CCDC171: variants seen among roughly 807,000 people sequenced by gnomAD.
CCDC171 encodes coiled-coil domain-containing protein 171.
In CCDC171, 177 loss-of-function variants were observed where a neutral mutation model predicts 168.2. The observed-to-expected ratio is 1.05, with a 90% CI of 0.93 to 1.19. The LOEUF is 1.19. Among genes scored for constraint, CCDC171 ranks in the 50% most tolerant of loss-of-function variants. The pLI, the probability that CCDC171 is intolerant of heterozygous loss-of-function variation, is 0.00. For missense variants in CCDC171, 1,991 were observed against 1,539.0 expected (o/e 1.29, Z -4.91); for synonymous variants, 687 against 540.8 (o/e 1.27, Z -3.75).
In CCDC171 at chr9:15,766,237, G is replaced by A. The variant is rs116598194; in HGVS notation, c.2672-11363G>A. Among the ~76,000 whole-genome samples, 274 of 152,174 alleles carry A rather than the reference G, an allele frequency of 1.8e-3. 2 individuals are homozygous for A. The highest frequency in any genetic ancestry group is 6.1e-3 in the African/African-American group (253 of 41,530). Reference sequence around the variant, plus strand: ...TGAAGCTCCTGCTGTCTCCTGTGCCGTGAGTGTTAAAGTCCCTTGTCTCTC... The same window carrying A: ...TGAAGCTCCTGCTGTCTCCTGTGCCATGAGTGTTAAAGTCCCTTGTCTCTC... On this transcript the variant is annotated intron_variant, in intron 18 of 25. Coordinates refer to ENST00000380701, the MANE Select transcript of CCDC171 (RefSeq NM_173550.4).
intron 6 of CCDC171, among the ~76,000 whole-genome samples, chr9:15,599,600 C>G (rs2042667339): frequency 6.6e-6 from 1 of 152,136 alleles, no homozygotes; most frequent in African/African-American, 2.4e-5. Context: ...TTCATTTCAA[C>G]TTTGGTGAAT....
chr9:15,734,547 AAAAT>A (rs139699577), intron 16 of CCDC171, among the ~76,000 whole-genome samples: 2,414 of 152,180 alleles, frequency 0.016, 79 homozygotes, highest in African/African-American at 0.055. Flanking sequence ...ACTCCATTTA[AAAAT>A]AAATAAATAA....
intron 21 of CCDC171, among the ~76,000 whole-genome samples, chr9:15,826,393 TC>T (rs1388352485): frequency 6.6e-6 from 1 of 152,128 alleles, no homozygotes. Context: ...ATATTTCTGA[TC>T]CCACAAGTGC....
At chr9:15,633,122 C>T (rs1187153779) in intron 7 of CCDC171, among the ~76,000 whole-genome samples, 2 of 152,210 alleles carry the variant, frequency 1.3e-5, no homozygotes, top group Non-Finnish European at 2.9e-5. Flanking sequence ...GCAAGGACTT[C>T]ATGTCTGAAA....
At chr9:15,829,127 A>C (rs1233015111) in intron 21 of CCDC171, among the ~76,000 whole-genome samples, 1 of 152,198 alleles carries the variant, frequency 6.6e-6, no homozygotes, top group South Asian at 2.1e-4. Flanking sequence ...TAGACACCCA[A>C]ATTTCCTTTT....
intron 20 of CCDC171, 102 bp from the exon 21 acceptor site, chr9:15,784,407 G>A: frequency 1.6e-6 from 1 of 617,214 alleles, no homozygotes. Context: ...TGTATCAAGT[G>A]CCTAGAAATG....
chr9:15,572,809 A>G (rs1247126197), intron 3 of CCDC171, among the ~76,000 whole-genome samples: 5 of 152,158 alleles, frequency 3.3e-5, no homozygotes, highest in African/African-American at 1.2e-4. Flanking sequence ...CTTTGTCTCC[A>G]TATTGCTTAT....
Position 15,579,380 on chromosome 9 carries a change from A to G in CCDC171, c.352+357A>G, listed in dbSNP as rs116776510. Among the ~76,000 whole-genome samples, 601 of 152,280 alleles carry G rather than the reference A, an allele frequency of 3.9e-3. 1 individual carries two copies. Among genetic ancestry groups the G allele is most frequent in the African/African-American group, 0.014 (567 of 41,550 alleles). On this transcript the variant is annotated intron_variant, in intron 4 of 25. Transcript: ENST00000380701. ...CCCCATCACATATAATATGAATCCAAATCTCTAGCTTGAGAATCTATATGT... is the reference window on the plus strand; with the variant it reads ...CCCCATCACATATAATATGAATCCAGATCTCTAGCTTGAGAATCTATATGT...
At chr9:15,902,549 A>G (rs182330112) in intron 24 of CCDC171, among the ~76,000 whole-genome samples, 144 of 151,904 alleles carry the variant, frequency 9.5e-4, no homozygotes, top group Non-Finnish European at 1.5e-3. Flanking sequence ...GAAATAACTG[A>G]GGTGGAGCCA....
the CCDC171 span, among the ~76,000 whole-genome samples, chr9:16,070,003 G>A: frequency 2.2e-4 from 33 of 151,190 alleles, no homozygotes; most frequent in African/African-American, 7.9e-4. Flanking sequence ...CTGTCCATCT[G>A]TCTGTCTGTC....
At chr9:15,915,906 T>C (rs1824435570) in intron 24 of CCDC171, among the ~76,000 whole-genome samples, 1 of 152,166 alleles carries the variant, frequency 6.6e-6, no homozygotes, top group African/African-American at 2.4e-5. Context: ...TTATGTGATA[T>C]ATCATGTTTG....
intron 1 of CCDC171, among the ~76,000 whole-genome samples, chr9:15,560,355 C>G (rs1407962344): frequency 6.6e-6 from 1 of 152,188 alleles, no homozygotes; most frequent in Admixed American, 6.5e-5. Context: ...CCGTCACTTT[C>G]AGGTACACCA....
chr9:15,710,253 T>C (rs1012197054), intron 11 of CCDC171, among the ~76,000 whole-genome samples: 7 of 152,154 alleles, frequency 4.6e-5, no homozygotes, highest in African/African-American at 1.7e-4. Flanking sequence ...CTAGATATTA[T>C]GGTTGGCTGA....
chr9:15,617,096 T>C (rs898029158), intron 6 of CCDC171, among the ~76,000 whole-genome samples: 10 of 152,168 alleles, frequency 6.6e-5, no homozygotes, highest in African/African-American at 2.4e-4. Context: ...GTAATAACCT[T>C]TTATCAACGT....
intron 17 of CCDC171, 27 bp downstream of exon 17, chr9:15,744,804 A>T (rs564809649): frequency 1.9e-6 from 3 of 1,595,282 alleles, no homozygotes; most frequent in Non-Finnish European, 2.6e-6. Context: ...TTTTAAAAAT[A>T]TAAGTTGCAT....
intron 3 of CCDC171, among the ~76,000 whole-genome samples, chr9:15,987,902 C>G (rs915569312): frequency 6.6e-6 from 1 of 151,692 alleles, no homozygotes; most frequent in Non-Finnish European, 1.5e-5. Flanking sequence ...TTCTTAATAA[C>G]TTTGTGCATG....
chr9:15,627,416 T>A (rs2045245412), intron 7 of CCDC171, among the ~76,000 whole-genome samples: 1 of 152,212 alleles, frequency 6.6e-6, no homozygotes, highest in Non-Finnish European at 1.5e-5. Flanking sequence ...TGTTAGGGTG[T>A]CAATTTTAGA....
At position 15,743,198 on chromosome 9, in the gene CCDC171, C is replaced by T; in HGVS notation, c.2050-1075C>T. Among the ~76,000 whole-genome samples the T allele has an allele frequency of 1.7e-5, 2 of 120,666 alleles. 1 individual carries two copies. 79.2% of individuals were successfully genotyped at this position (120,666 alleles called of 152,430 possible). A position where few individuals can be genotyped will look rare whatever the true frequency, so the allele number is the denominator to read the frequency against. On this transcript the variant is annotated intron_variant, in intron 16 of 25. Coordinates refer to ENST00000380701, the MANE Select transcript of CCDC171 (RefSeq NM_173550.4). ...TTTTTTTTTTTGAGACAGCGTCTTG[C>T]CCTGTTACCCAGGCTGGAGTGCAGT...
chr9:16,060,194 C>G (rs1833909989), intron 1 of CCDC171, among the ~76,000 whole-genome samples: 1 of 152,080 alleles, frequency 6.6e-6, no homozygotes, highest in Non-Finnish European at 1.5e-5. Context: ...CAATTCAGGT[C>G]CAGTTCATGA....
Sources: gnomAD v4.1 joint callset for allele counts (sites outside exome capture counted in the v4.1 genomes callset) on GRCh38, gnomAD v4.1.1 for gene constraint, MANE v1.5 for transcripts, NCBI Gene and HGNC (gene_info 2026-07-23, HGNC 2026-07-21) for gene names.